Variants in PPP1R16B observed in about 807,000 individuals in gnomAD.
PPP1R16B encodes protein phosphatase 1 regulatory inhibitor subunit 16B.
In PPP1R16B, 14 loss-of-function variants were observed where a neutral mutation model predicts 61.7. The observed-to-expected ratio is 0.23, with a 90% CI of 0.15 to 0.35. PPP1R16B has a LOEUF of 0.35. Ranked by LOEUF, PPP1R16B falls within the 10% of genes least tolerant of loss-of-function variation. PPP1R16B has a pLI of 1.00. For missense variants in PPP1R16B, 547 were observed against 752.5 expected (o/e 0.73, Z 3.19); for synonymous variants, 266 against 305.3 (o/e 0.87, Z 1.34).
chr20:38,867,682 T>G (rs1398583294), intron 2 of PPP1R16B, among the ~76,000 whole-genome samples: 2 of 152,062 alleles, frequency 1.3e-5, no homozygotes, highest in Non-Finnish European at 2.9e-5. Context: ...GATTCTTTTT[T>G]TTCCCCCCGA....
At position 38,918,306 on chromosome 20, in the gene PPP1R16B, T is replaced by G. The variant is rs201078949; in HGVS notation, c.1344T>G (p.His448Gln). Residue 448 changes from histidine (H) to glutamine (Q), a missense_variant, in exon 11 of 11, where the codon CAT becomes CAG. Coordinates refer to ENST00000299824, the MANE Select transcript of PPP1R16B (RefSeq NM_015568.4). This position sits in a 1 kb window ranked among gnomAD's most constrained non-coding sequence, Gnocchi z 5.3. ...ALANGDVWKV[H>Q]EVPDYSMAYG... ...CCAACGGGGATGTCTGGAAGGTGCA[T>G]GAGGTGCCTGACTACAGCATGGCCT... 3.7e-6 allele frequency: 6 copies of G among 1,614,194 alleles called. No homozygotes were observed. The highest frequency in any genetic ancestry group is 5.1e-6 in the Non-Finnish European group (6 of 1,180,042).
At chr20:38,888,476 T>C (rs528225455) in intron 2 of PPP1R16B, among the ~76,000 whole-genome samples, 9 of 152,262 alleles carry the variant, frequency 5.9e-5, no homozygotes, top group East Asian at 3.9e-4. Flanking sequence ...GAAGATCCTA[T>C]TGAGGCCCTG....
chr20:38,868,824 G>A (rs942540957), intron 2 of PPP1R16B, among the ~76,000 whole-genome samples: 1 of 152,174 alleles, frequency 6.6e-6, no homozygotes, highest in African/African-American at 2.4e-5. Context: ...CAGCACTGCA[G>A]TCAAGAGGCA....
chr20:38,908,807 A>G (rs1470485269), intron 10 of PPP1R16B, among the ~76,000 whole-genome samples: 1 of 152,182 alleles, frequency 6.6e-6, no homozygotes, highest in Non-Finnish European at 1.5e-5. Flanking sequence ...TCTGAAGGCC[A>G]GAAGTCTAAA....
intron 2 of PPP1R16B, among the ~76,000 whole-genome samples, chr20:38,861,594 C>T (rs113692895): frequency 1.3e-5 from 2 of 152,152 alleles, no homozygotes; most frequent in Admixed American, 6.6e-5. Flanking sequence ...TCTTCCCCCC[C>T]ACCCTTCAGC....
intron 2 of PPP1R16B, among the ~76,000 whole-genome samples, chr20:38,859,093 C>A (rs1388432978): frequency 6.6e-6 from 1 of 152,200 alleles, no homozygotes; most frequent in Non-Finnish European, 1.5e-5. Flanking sequence ...ACCCCGACTT[C>A]AGTGGAAGGG....
intron 4 of PPP1R16B, among the ~76,000 whole-genome samples, chr20:38,897,844 G>A (rs1385487303): frequency 1.3e-5 from 2 of 152,108 alleles, no homozygotes; most frequent in Admixed American, 6.6e-5. Flanking sequence ...CATTTTTCTC[G>A]TGATGAGTGA....
intron 2 of PPP1R16B, among the ~76,000 whole-genome samples, chr20:38,885,077 G>A (rs1355171557): frequency 6.7e-6 from 1 of 149,718 alleles, no homozygotes; most frequent in Non-Finnish European, 1.5e-5. Context: ...AAGAAGACTG[G>A]GCGTGGTGAC....
intron 1 of PPP1R16B, among the ~76,000 whole-genome samples, chr20:38,817,561 A>G (rs2084744530): frequency 7.1e-6 from 1 of 140,674 alleles, no homozygotes; most frequent in Non-Finnish European, 1.6e-5. Flanking sequence ...TTGAAACTCC[A>G]TCTCAAAAAA....
At chr20:38,886,196 T>G (rs530151823) in intron 2 of PPP1R16B, among the ~76,000 whole-genome samples, 7 of 152,296 alleles carry the variant, frequency 4.6e-5, no homozygotes, top group African/African-American at 1.7e-4. Flanking sequence ...GGCCTTGGGC[T>G]CCTAGGTACA....
At chr20:38,820,914 G>C (rs1250871565) in intron 1 of PPP1R16B, among the ~76,000 whole-genome samples, 1 of 151,470 alleles carries the variant, frequency 6.6e-6, no homozygotes, top group African/African-American at 2.4e-5. Context: ...GGTGGCAGGC[G>C]CCTGTAGTCC....
chr20:38,806,401 C>T lies in PPP1R16B; in HGVS notation c.-102+609C>T, dbSNP rs1404975779. ...AGCACCAGCCAGCCCGGGGAGACCC[C>T]GCGAGTGGTAGTTCCCCGGGAGGGG... is the stretch of plus-strand genomic sequence containing the variant. On this transcript the variant is annotated intron_variant, in intron 1 of 10. Coordinates refer to ENST00000299824, the MANE Select transcript of PPP1R16B (RefSeq NM_015568.4). This position sits in a 1 kb window ranked among gnomAD's most constrained non-coding sequence, Gnocchi z 4.5. Among the ~76,000 whole-genome samples, 1 of 152,076 alleles carries T rather than the reference C, an allele frequency of 6.6e-6. No individual in the cohort carries two copies. Among genetic ancestry groups the T allele is most frequent in the Non-Finnish European group, 1.5e-5 (1 of 67,972 alleles).
At chr20:38,902,589 C>T in intron 5 of PPP1R16B, 79 bp from the exon 6 acceptor site, 1 of 1,573,540 alleles carries the variant, frequency 6.4e-7, no homozygotes. Context: ...AAGAGCCATG[C>T]CTCCCTCATC....
intron 2 of PPP1R16B, among the ~76,000 whole-genome samples, chr20:38,869,074 G>GT (rs1405031661): frequency 6.6e-6 from 1 of 151,714 alleles, no homozygotes; most frequent in African/African-American, 2.4e-5. Flanking sequence ...TGTTCTGATG[G>GT]TTTTTTTCCC....
intron 2 of PPP1R16B, among the ~76,000 whole-genome samples, chr20:38,858,167 C>T (rs193113301): frequency 2.6e-5 from 4 of 152,248 alleles, no homozygotes; most frequent in African/African-American, 9.6e-5. Flanking sequence ...AACTATCTCC[C>T]AAAAGTCCCA....
At chr20:38,915,224 TG>T (rs760639972) in intron 10 of PPP1R16B, among the ~76,000 whole-genome samples, 8 of 152,176 alleles carry the variant, frequency 5.3e-5, no homozygotes, top group Non-Finnish European at 1.0e-4. Context: ...TTTTGACAAA[TG>T]CATAATGTCA....
At position 38,918,060 on chromosome 20, in the gene PPP1R16B, G is replaced by C; in HGVS notation, c.1195-97G>C. 1 of 1,479,168 alleles carries C rather than the reference G, an allele frequency of 6.8e-7. No homozygotes were observed. The highest frequency in any genetic ancestry group is 9.2e-7 in the Non-Finnish European group (1 of 1,088,912). 91.6% of individuals were successfully genotyped at this position (1,479,168 alleles called of 1,614,324 possible). On this transcript the variant is annotated intron_variant, in intron 10 of 10. Coordinates refer to ENST00000299824, the MANE Select transcript of PPP1R16B (RefSeq NM_015568.4). This position sits in a 1 kb window ranked among gnomAD's most constrained non-coding sequence, Gnocchi z 5.3. ...TACCCAGGGAGAGAAAACAGATAGA[G>C]GAAAAGTCCAAACAATAATGCCCTC...
At chr20:38,847,836 T>C (rs1001495390) in intron 2 of PPP1R16B, among the ~76,000 whole-genome samples, 23 of 152,222 alleles carry the variant, frequency 1.5e-4, no homozygotes, top group Admixed American at 6.5e-5. Context: ...AGTGCGTGTA[T>C]GTGTTTGCTT....
chr20:38,853,488 G>A (rs141538994), intron 2 of PPP1R16B, among the ~76,000 whole-genome samples: 8 of 152,306 alleles, frequency 5.3e-5, no homozygotes, highest in African/African-American at 1.9e-4. Flanking sequence ...AGGGTTTTCA[G>A]TCTTTCAAGA....
Sources: gnomAD v4.1 joint callset for allele counts (sites outside exome capture counted in the v4.1 genomes callset) on GRCh38, gnomAD v4.1.1 for gene constraint, Gnocchi (gnomAD v3.1) non-coding constraint, MANE v1.5 for transcripts, NCBI Gene and HGNC (gene_info 2026-07-23, HGNC 2026-07-21) for gene names.